Variants in HAUS7 observed in about 807,000 individuals in gnomAD.
HAUS7 encodes HAUS augmin like complex subunit 7.
In HAUS7, 3 loss-of-function variants were observed where a neutral mutation model predicts 28.4. That is an observed-to-expected ratio of 0.11 (90% confidence interval 0.05 to 0.27). The LOEUF is 0.27. Ranked by LOEUF, HAUS7 falls within the 10% of genes least tolerant of loss-of-function variation. The pLI, the probability that HAUS7 is intolerant of heterozygous loss-of-function variation, is 1.00. For synonymous variants in HAUS7, 165 were observed against 132.1 expected, an observed-to-expected ratio of 1.25 and a Z score of -1.71; for missense variants, 284 against 297.3, an observed-to-expected ratio of 0.96 and a Z score of 0.33.
chrX:153,447,943 TG>T, intron 9 of HAUS7, 34 bp from the exon 10 acceptor site: 1 of 1,130,591 alleles, frequency 8.8e-7, no homozygotes, highest in Middle Eastern at 2.4e-4. Flanking sequence ...AAAAGGATGG[TG>T]GGAGTGTAAA....
chrX:153,457,859 C>T (rs1324149134), intron 4 of HAUS7, among the ~76,000 whole-genome samples: 2 of 113,321 alleles, frequency 1.8e-5, no homozygotes, highest in African/African-American at 6.4e-5. Flanking sequence ...GGAAGAGGAT[C>T]GCTGAGGAGC....
chrX:153,485,868 T>A, intron 1 of HAUS7: 1 of 916,546 alleles, frequency 1.1e-6, no homozygotes, highest in Non-Finnish European at 1.4e-6. Context: ...CACGACCACA[T>A]CGAGCGCATC....
At chrX:153,460,747 G>A (rs1021678230) in intron 4 of HAUS7, among the ~76,000 whole-genome samples, 1 of 111,973 alleles carries the variant, frequency 8.9e-6, no homozygotes, top group African/African-American at 3.3e-5. Flanking sequence ...TCTGAGAAGC[G>A]AATGTCAGCA....
chrX:153,456,921 C>A, intron 5 of HAUS7: 2 of 441,511 alleles, frequency 4.5e-6, no homozygotes, highest in East Asian at 7.4e-5. Context: ...TTCATACTCA[C>A]CCCCGGGGCC....
chrX:153,452,212 C>A lies in HAUS7; in HGVS notation c.1045+2182G>T, dbSNP rs181236127. Among the ~76,000 whole-genome samples, 20 of 112,116 alleles carry A rather than the reference C, an allele frequency of 1.8e-4. No homozygotes were observed. In the Admixed American group the frequency reaches 1.9e-3, roughly 11 times the overall value. On this transcript the variant is annotated intron_variant, in intron 9 of 9. Coordinates refer to ENST00000370211, the MANE Select transcript of HAUS7 (RefSeq NM_001385482.1). ...TGAAGGAGAAATGAAGACATTCCCA[C>A]ATAAAAAATGAGGGAGTTCATCACT...
In HAUS7 at chrX:153,454,454, C is replaced by G; in HGVS notation, c.985G>C (p.Val329Leu). Reference sequence around the variant, plus strand: ...ATCTGCTCGCCTTGCTGCTTCTTCACGGTCTCCACGGCCTTCGCAGAGGTG... The same window carrying G: ...ATCTGCTCGCCTTGCTGCTTCTTCAGGGTCTCCACGGCCTTCGCAGAGGTG... ...ADTSAKAVET[V>L]KKQQGEQICW... The change falls in exon 9 of 10, where the codon GTG becomes CTG. Residue 329 changes from valine (V) to leucine (L), a missense_variant. Val to Leu is a conservative substitution (Grantham distance 32). Coordinates refer to ENST00000370211, the MANE Select transcript of HAUS7 (RefSeq NM_001385482.1). 1 of 1,146,734 alleles carries G rather than the reference C, an allele frequency of 8.7e-7. No individual in the cohort carries two copies. The highest frequency in any genetic ancestry group is 3.2e-5 in the East Asian group (1 of 31,001). 94.5% of individuals were successfully genotyped at this position (1,146,734 alleles called of 1,213,427 possible).
intron 2 of HAUS7, among the ~76,000 whole-genome samples, chrX:153,465,954 C>T: frequency 8.9e-6 from 1 of 112,670 alleles, no homozygotes; most frequent in East Asian, 2.8e-4. Flanking sequence ...AAGAAGGAGT[C>T]GCTTTCCACC....
chrX:153,486,000 A>G (rs1556988457), intron 1 of HAUS7: 1 of 979,796 alleles, frequency 1.0e-6, no homozygotes, highest in Admixed American at 3.0e-5. Context: ...TCGCTGGCGG[A>G]GCTGCTCCTG....
At chrX:153,476,931 G>A (rs921024375) in intron 1 of HAUS7, among the ~76,000 whole-genome samples, 2 of 112,713 alleles carry the variant, frequency 1.8e-5, no homozygotes, top group Non-Finnish European at 3.8e-5. Context: ...GGAGCCTCTG[G>A]CTCTGCTGAG....
chrX:153,469,105 T>C (rs1240354858), intron 2 of HAUS7, 41 bp downstream of exon 2: 1 of 803,151 alleles, frequency 1.2e-6, no homozygotes, highest in South Asian at 2.1e-5. Context: ...CTGGCGCCCA[T>C]GCACACCCCA....
chrX:153,460,866 A>G (rs1556983225), intron 4 of HAUS7, among the ~76,000 whole-genome samples: 5 of 112,474 alleles, frequency 4.4e-5, no homozygotes, highest in Admixed American at 3.7e-4. Flanking sequence ...GGAGGACAGG[A>G]AAAGGGAGCC....
intron 7 of HAUS7, 31 bp downstream of exon 7, chrX:153,456,234 G>A: frequency 8.8e-7 from 1 of 1,130,233 alleles, no homozygotes; most frequent in South Asian, 1.8e-5. Context: ...TTGCCTCCAA[G>A]CAACCCCCTC....
At chrX:153,482,487 C>T (rs1476236995) in intron 1 of HAUS7, 48 of 754,660 alleles carry the variant, frequency 6.4e-5, no homozygotes, top group Non-Finnish European at 6.9e-5. Flanking sequence ...GGGCAGGGAC[C>T]GAGGGGGCAG....
At chrX:153,454,578 C>T (rs1569530684) in intron 8 of HAUS7, 70 bp from the exon 9 acceptor site, 14 of 609,928 alleles carry the variant, frequency 2.3e-5, no homozygotes, top group Non-Finnish European at 2.9e-5. Flanking sequence ...GCTGGTCTCA[C>T]GTAGCGACGG....
intron 1 of HAUS7, among the ~76,000 whole-genome samples, chrX:153,490,190 A>T: frequency 8.9e-6 from 1 of 112,373 alleles, no homozygotes; most frequent in Non-Finnish European, 1.9e-5. Flanking sequence ...TCGGCTTCCA[A>T]GGCAACCCAT....
At chrX:153,471,088 C>G (rs987325243), upstream of HAUS7, 2 of 299,468 alleles carry the variant, frequency 6.7e-6, no homozygotes, top group African/African-American at 5.3e-5. Context: ...GAATGGAACT[C>G]GGACTGAAGC....
chrX:153,486,661 C>A, intron 1 of HAUS7: 2 of 982,952 alleles, frequency 2.0e-6, no homozygotes, highest in South Asian at 4.0e-5. Flanking sequence ...CTGTGACATG[C>A]GCGTGGCTCA....
intron 9 of HAUS7, among the ~76,000 whole-genome samples, chrX:153,451,219 G>A (rs1341913654): frequency 1.8e-5 from 2 of 112,352 alleles, no homozygotes; most frequent in Non-Finnish European, 3.8e-5. Context: ...GCCAAGAAGC[G>A]ATAAGGGGCC....
At chrX:153,471,365 A>G (rs1439784362), upstream of HAUS7, among the ~76,000 whole-genome samples, 4 of 112,466 alleles carry the variant, frequency 3.6e-5, no homozygotes, top group African/African-American at 1.3e-4. Flanking sequence ...CTATTGTAAT[A>G]CATGCTGGGC....
Sources: gnomAD v4.1 joint callset for allele counts (sites outside exome capture counted in the v4.1 genomes callset) on GRCh38, gnomAD v4.1.1 for gene constraint, MANE v1.5 for transcripts, NCBI Gene and HGNC (gene_info 2026-07-23, HGNC 2026-07-21) for gene names.